The following NBEAL1 variants were observed in gnomAD, a reference collection of about 807,000 sequenced individuals.
The protein encoded by NBEAL1 is neurobeachin like 1.
A neutral mutation model predicts 351.3 loss-of-function variants in NBEAL1; 273 were observed. The observed-to-expected ratio is 0.78, with a 90% confidence interval of 0.70 to 0.86. The LOEUF (loss-of-function observed/expected upper bound fraction) is 0.86. NBEAL1 is among the 40% of genes least tolerant of loss of function. The pLI is 0.00. For synonymous variants in NBEAL1, 1,050 were observed against 1,086.4 expected (o/e 0.97, Z 0.66); for missense variants, 2,961 against 3,201.3 (o/e 0.92, Z 1.81).
intron 35 of NBEAL1, among the ~76,000 whole-genome samples, chr2:203,156,188 A>G (rs1012285254): frequency 6.6e-6 from 1 of 152,226 alleles, no homozygotes; most frequent in African/African-American, 2.4e-5. Context: ...GTCTCTCCTC[A>G]TATCTCTGAA....
intron 42 of NBEAL1, among the ~76,000 whole-genome samples, chr2:203,179,152 A>G (rs1166250208): frequency 6.6e-6 from 1 of 152,254 alleles, no homozygotes; most frequent in African/African-American, 2.4e-5. Context: ...ACTCAAGGCC[A>G]TTAAATACTT....
At chr2:203,024,953 A>T (rs552735848) in intron 2 of NBEAL1, among the ~76,000 whole-genome samples, 1 of 152,212 alleles carries the variant, frequency 6.6e-6, no homozygotes, top group African/African-American at 2.4e-5. Context: ...TTAAAAATGC[A>T]AGTCCTTATA....
At chr2:203,212,707 G>A (rs143522479) in intron 54 of NBEAL1, among the ~76,000 whole-genome samples, 1 of 152,110 alleles carries the variant, frequency 6.6e-6, no homozygotes, top group East Asian at 1.9e-4. Context: ...ACATGTGCAA[G>A]ATGAGTTTTA....
chr2:203,041,861 G>T lies in NBEAL1; in HGVS notation c.143+5G>T. 1 of 1,543,990 alleles carries T rather than the reference G, an allele frequency of 6.5e-7. No homozygotes were observed. The highest frequency in any genetic ancestry group is 8.8e-7 in the Non-Finnish European group (1 of 1,139,744). On this transcript the variant is annotated splice_donor_5th_base_variant and intron_variant, in intron 3 of 55. Coordinates refer to ENST00000683969, the MANE Select transcript of NBEAL1 (RefSeq NM_001378026.1). ...CTTTGAAAAGCTGCCTACCAGGTATGTAGAAACGCTAATTTGTAACCCCTG... is the reference window on the plus strand; with the variant it reads ...CTTTGAAAAGCTGCCTACCAGGTATTTAGAAACGCTAATTTGTAACCCCTG...
intron 28 of NBEAL1, 96 bp downstream of exon 28, chr2:203,136,348 A>G (rs1559394273): frequency 5.2e-6 from 5 of 955,162 alleles, no homozygotes; most frequent in Non-Finnish European, 1.5e-6. Context: ...TAACAATTTC[A>G]TATTGTATTC....
At chr2:203,039,383 T>TTCCTG (rs1274751937) in intron 2 of NBEAL1, among the ~76,000 whole-genome samples, 2 of 125,164 alleles carry the variant, frequency 1.6e-5, no homozygotes, top group Non-Finnish European at 3.5e-5. Context: ...TCCCTTCCCT[T>TTCCTG]TCCTGTCCTG....
chr2:203,134,223 C>G (rs910196997), intron 27 of NBEAL1, among the ~76,000 whole-genome samples: 1 of 152,056 alleles, frequency 6.6e-6, no homozygotes, highest in Non-Finnish European at 1.5e-5. Flanking sequence ...TGATCCTTTC[C>G]TTTTCACGTA....
intron 8 of NBEAL1, among the ~76,000 whole-genome samples, chr2:203,082,802 C>T (rs2061895864): frequency 6.6e-6 from 1 of 152,176 alleles, no homozygotes; most frequent in Non-Finnish European, 1.5e-5. Flanking sequence ...TATTCCTATT[C>T]TTTCTGTAGC....
At chr2:203,160,811 G>GT (rs1440065209) in intron 36 of NBEAL1, among the ~76,000 whole-genome samples, 3 of 151,952 alleles carry the variant, frequency 2.0e-5, no homozygotes. Context: ...TTTTTGTTTT[G>GT]TTTTTTGTTG....
At chr2:203,194,855 TA>T (rs2065190976) in intron 47 of NBEAL1, among the ~76,000 whole-genome samples, 1 of 152,128 alleles carries the variant, frequency 6.6e-6, no homozygotes, top group Non-Finnish European at 1.5e-5. Flanking sequence ...TATCAAAAAA[TA>T]TAATTTTTTG....
chr2:203,018,696 C>G (rs767619608), intron 2 of NBEAL1, among the ~76,000 whole-genome samples: 1 of 152,008 alleles, frequency 6.6e-6, no homozygotes, highest in Non-Finnish European at 1.5e-5. Context: ...TTATAGTGAA[C>G]TCTTTTGTGT....
At chr2:203,058,501 A>C (rs1406028104) in intron 6 of NBEAL1, among the ~76,000 whole-genome samples, 2 of 152,248 alleles carry the variant, frequency 1.3e-5, no homozygotes, top group East Asian at 3.8e-4. Flanking sequence ...CTTTTGGAGA[A>C]GAGGCCCTAC....
rs150332730 is a variant in NBEAL1, at chr2:203,090,055, G to A, written c.1098+5486G>A. ...TATTGATGGACATAATTTTAAAATA[G>A]GCATATTGAAGTTTATTTTATGACA... On this transcript the variant is annotated intron_variant, in intron 10 of 55. Coordinates refer to ENST00000683969, the MANE Select transcript of NBEAL1 (RefSeq NM_001378026.1). Among the ~76,000 whole-genome samples, 30 of 152,162 alleles carry A rather than the reference G, an allele frequency of 2.0e-4. No homozygotes were observed. The East Asian group carries it at 5.2e-3, about 26-fold the overall frequency.
At chr2:203,078,155 C>T (rs750887159) in intron 8 of NBEAL1, among the ~76,000 whole-genome samples, 2 of 152,042 alleles carry the variant, frequency 1.3e-5, no homozygotes, top group East Asian at 1.9e-4. Flanking sequence ...TTGATGAAAT[C>T]GAAGTCTAGT....
intron 51 of NBEAL1, among the ~76,000 whole-genome samples, chr2:203,207,184 A>G (rs2065616619): frequency 6.8e-6 from 1 of 147,516 alleles, no homozygotes; most frequent in African/African-American, 2.5e-5. Flanking sequence ...TCCGCCCGGC[A>G]GCCGCCCCGT....
At chr2:203,017,609 G>A (rs918880925) in intron 2 of NBEAL1, among the ~76,000 whole-genome samples, 1 of 152,048 alleles carries the variant, frequency 6.6e-6, no homozygotes, top group Non-Finnish European at 1.5e-5. Context: ...TTAATTTTTA[G>A]TATGAATACC....
At chr2:203,028,894 C>G (rs1183360356) in intron 2 of NBEAL1, among the ~76,000 whole-genome samples, 1 of 151,836 alleles carries the variant, frequency 6.6e-6, no homozygotes, top group African/African-American at 2.4e-5. Context: ...TCCCATATAC[C>G]CCCTGTCCCC....
intron 3 of NBEAL1, among the ~76,000 whole-genome samples, chr2:203,045,143 T>C (rs1168519436): frequency 1.3e-5 from 2 of 152,224 alleles, no homozygotes; most frequent in African/African-American, 2.4e-5. Flanking sequence ...TTGTCCTCTT[T>C]AGTCATTTTT....
chr2:203,197,150 C>T, intron 47 of NBEAL1, 152 bp from the exon 48 acceptor site: 1 of 488,370 alleles, frequency 2.0e-6, no homozygotes, highest in South Asian at 3.9e-5. Flanking sequence ...GTATATAATT[C>T]CTTTCCTTCA....
Sources: allele counts gnomAD v4.1 joint callset (sites outside exome capture counted in the v4.1 genomes callset), GRCh38; gene constraint gnomAD v4.1.1; transcripts MANE v1.5; gene names NCBI Gene and HGNC (gene_info 2026-07-23, HGNC 2026-07-21).